BBS9: variants seen among roughly 807,000 people sequenced by gnomAD.
The protein encoded by BBS9 is protein PTHB1.
BBS9 carries 89 observed loss-of-function variants against 117.7 expected under a neutral mutation model. The observed-to-expected ratio is 0.76, with a 90% CI of 0.64 to 0.90. BBS9 has a LOEUF of 0.90. Among genes scored for constraint, BBS9 ranks in the 40% least tolerant of loss-of-function variants. The pLI is 0.00. For synonymous variants in BBS9, 379 were observed against 370.9 expected (o/e 1.02, Z -0.25); for missense variants, 982 against 1,042.2 (o/e 0.94, Z 0.80).
At chr7:33,304,920 A>G (rs1284794459) in intron 9 of BBS9, among the ~76,000 whole-genome samples, 3 of 152,174 alleles carry the variant, frequency 2.0e-5, no homozygotes, top group Non-Finnish European at 4.4e-5. Flanking sequence ...TTTGTTAAAC[A>G]GATGCTTGAA....
chr7:33,542,745 A>G (rs568279103), intron 21 of BBS9, among the ~76,000 whole-genome samples: 5 of 42,040 alleles, frequency 1.2e-4, no homozygotes, highest in Non-Finnish European at 2.2e-4. Flanking sequence ...ATGTGTGTGT[A>G]TATATATATA....
At chr7:33,272,572 T>A (rs1799978773) in intron 7 of BBS9, among the ~76,000 whole-genome samples, 1 of 152,164 alleles carries the variant, frequency 6.6e-6, no homozygotes, top group Non-Finnish European at 1.5e-5. Context: ...AGCTCTTATG[T>A]ATAGAATATT....
At chr7:33,226,659 G>A (rs1416097039) in intron 5 of BBS9, among the ~76,000 whole-genome samples, 2 of 152,054 alleles carry the variant, frequency 1.3e-5, no homozygotes, top group Non-Finnish European at 2.9e-5. Flanking sequence ...ATGGATAAGT[G>A]GATAAACAAA....
intron 1 of BBS9, among the ~76,000 whole-genome samples, chr7:33,145,914 A>C (rs1792267781): frequency 6.6e-6 from 1 of 152,218 alleles, no homozygotes; most frequent in Non-Finnish European, 1.5e-5. Context: ...CTTACATGTT[A>C]AATAGTGCTG....
intron 4 of BBS9, among the ~76,000 whole-genome samples, chr7:33,173,571 TA>T (rs3083580): frequency 0.19 from 22,581 of 120,154 alleles, 1,804 homozygotes; most frequent in Middle Eastern, 0.26. Context: ...GACTCCATCC[TA>T]AAAAAAAAAA....
intron 21 of BBS9, among the ~76,000 whole-genome samples, chr7:33,631,660 G>A (rs949800049): frequency 2.6e-5 from 4 of 152,176 alleles, no homozygotes; most frequent in Non-Finnish European, 5.9e-5. Context: ...AGCAGTGCAG[G>A]GGCCCCTTGC....
At chr7:33,422,034 T>A (rs1158064266) in intron 19 of BBS9, among the ~76,000 whole-genome samples, 1 of 152,094 alleles carries the variant, frequency 6.6e-6, no homozygotes, top group African/African-American at 2.4e-5. Flanking sequence ...GATTTATGAA[T>A]GTGTTGGATT....
intron 5 of BBS9, among the ~76,000 whole-genome samples, chr7:33,180,791 T>C (rs2128170608): frequency 6.6e-6 from 1 of 152,252 alleles, no homozygotes; most frequent in African/African-American, 2.4e-5. Context: ...GGGAGAAATG[T>C]CCCACTGCCT....
In BBS9 at chr7:33,471,859, G is replaced by A. The variant is rs1214230494; in HGVS notation, c.2116-33604G>A. On this transcript the variant is annotated intron_variant, in intron 19 of 22. Transcript: ENST00000242067. ...CATGAACTGCCACCAGGTCACTGAA[G>A]TTGATTTTATGGGAAGCCAGGGTTC... 2.6e-5 allele frequency among the ~76,000 whole-genome samples: 4 copies of A among 152,190 alleles called. No individual in the cohort carries two copies. In the East Asian group the frequency reaches 7.7e-4, roughly 29 times the overall value.
chr7:33,386,666 A>AT (rs900108523), intron 18 of BBS9, among the ~76,000 whole-genome samples: 15 of 148,894 alleles, frequency 1.0e-4, no homozygotes, highest in South Asian at 4.3e-4. Context: ...AATTTTTTGT[A>AT]TTTTTTTTTA....
chr7:33,391,444 A>G (rs1386221832), intron 19 of BBS9, among the ~76,000 whole-genome samples: 1 of 152,186 alleles, frequency 6.6e-6, no homozygotes, highest in African/African-American at 2.4e-5. Context: ...CAGCATACCC[A>G]TACATACACA....
Position 33,206,674 on chromosome 7 carries a change from GTTATCA to G in BBS9, c.442+29084_442+29089del, listed in dbSNP as rs1305218005. Among the ~76,000 whole-genome samples, 6 of 152,040 alleles carry G rather than the reference GTTATCA, an allele frequency of 3.9e-5. No homozygotes were observed. In the East Asian group the frequency reaches 9.6e-4, roughly 24 times the overall value. The stretch of plus-strand genomic sequence containing the variant: ...AATATTCTTATATAACCACAGTACA[GTTATCA>G]GTTTCCCAAAATTACATTGATATAT... On this transcript the variant is annotated intron_variant, in intron 5 of 22. Coordinates refer to ENST00000242067, the MANE Select transcript of BBS9 (RefSeq NM_198428.3).
intron 5 of BBS9, among the ~76,000 whole-genome samples, chr7:33,208,527 A>T (rs1298917811): frequency 6.6e-6 from 1 of 152,152 alleles, no homozygotes; most frequent in African/African-American, 2.4e-5. Context: ...TGCCTTCCAT[A>T]AGTCCTTTGC....
chr7:33,315,481 G>A (rs887277645), intron 9 of BBS9, among the ~76,000 whole-genome samples: 3 of 152,104 alleles, frequency 2.0e-5, no homozygotes, highest in Non-Finnish European at 2.9e-5. Context: ...TTCAAGGAGC[G>A]GAGGAATAAA....
chr7:33,137,434 C>T (rs114824964), intron 1 of BBS9, among the ~76,000 whole-genome samples: 2,193 of 152,272 alleles, frequency 0.014, 57 homozygotes, highest in African/African-American at 0.05. Context: ...GGGCGGGGCT[C>T]CTGCCTGTTC....
intron 19 of BBS9, among the ~76,000 whole-genome samples, chr7:33,464,176 A>G (rs892407355): frequency 2.6e-5 from 4 of 152,084 alleles, no homozygotes; most frequent in Non-Finnish European, 5.9e-5. Context: ...TACTTGAAAA[A>G]CATTAGCTTT....
chr7:33,388,612 T>A (rs1826473427), intron 19 of BBS9, among the ~76,000 whole-genome samples: 1 of 152,166 alleles, frequency 6.6e-6, no homozygotes, highest in Non-Finnish European at 1.5e-5. Flanking sequence ...AGCATCATAG[T>A]TCAAAAAGTT....
chr7:33,152,696 T>C lies in BBS9; in HGVS notation c.113-5T>C. 6.2e-7 allele frequency: 1 copy of C among 1,610,366 alleles called. No homozygotes were observed. Among genetic ancestry groups the C allele is most frequent in the Non-Finnish European group, 8.5e-7 (1 of 1,177,404 alleles). ...TCTATCTTTTTTTTTTTAAATTCTC[T>C]ACAGATAAAATAATTGTGGGTAGCT... On this transcript the variant is annotated splice_region_variant and splice_polypyrimidine_tract_variant and intron_variant, in intron 2 of 22. Coordinates refer to ENST00000242067, the MANE Select transcript of BBS9 (RefSeq NM_198428.3).
Position 33,155,603 on chromosome 7 carries a change from A to T in BBS9, c.264-35A>T, listed in dbSNP as rs374901995. The T allele has an allele frequency of 2.0e-4, 291 of 1,462,142 alleles. 2 individuals are homozygous for T. The highest frequency in any genetic ancestry group is 1.8e-3 in the South Asian group (159 of 87,244). The allele number at this position is 1,462,142 out of a possible 1,614,324, so 90.6% of individuals were successfully genotyped here. On this transcript the variant is annotated intron_variant, in intron 3 of 22. Transcript: ENST00000242067. ...CTTTTTGGTTACGTCTAAAGCTAATATTGGAAAACTTTAAAAACTTTCTCT... is the reference window on the plus strand; with the variant it reads ...CTTTTTGGTTACGTCTAAAGCTAATTTTGGAAAACTTTAAAAACTTTCTCT...
Sources: gnomAD v4.1 joint callset for allele counts (sites outside exome capture counted in the v4.1 genomes callset) on GRCh38, gnomAD v4.1.1 for gene constraint, MANE v1.5 for transcripts, NCBI Gene and HGNC (gene_info 2026-07-23, HGNC 2026-07-21) for gene names.